Variants in CHST8 observed in about 807,000 individuals in gnomAD.
The protein encoded by CHST8 is carbohydrate sulfotransferase 8.
In CHST8, 10 loss-of-function variants were observed where a neutral mutation model predicts 15.0. That is an observed-to-expected ratio of 0.67 (90% CI 0.41 to 1.13). The LOEUF (loss-of-function observed/expected upper bound fraction) is 1.13, where lower values mean the gene tolerates loss of function less well. Ranked by LOEUF, CHST8 falls within the 50% of genes most tolerant of loss-of-function variation. CHST8 has a pLI of 0.00. For missense variants in CHST8, 634 were observed against 608.2 expected, an observed-to-expected ratio of 1.04 and a Z score of -0.45; for synonymous variants, 259 against 256.6, an observed-to-expected ratio of 1.01 and a Z score of -0.09.
intron 3 of CHST8, among the ~76,000 whole-genome samples, chr19:33,735,393 C>T (rs1336819835): frequency 1.3e-5 from 2 of 152,230 alleles, no homozygotes; most frequent in Non-Finnish European, 2.9e-5. Context: ...TGAATGGGAC[C>T]GGGAACAGTG....
intron 1 of CHST8, among the ~76,000 whole-genome samples, chr19:33,667,432 G>C (rs569132449): frequency 1.1e-4 from 17 of 152,116 alleles, no homozygotes; most frequent in Non-Finnish European, 2.2e-4. Context: ...CTCTATTTTG[G>C]TTCTTGCTTT....
At chr19:33,635,950 A>G (rs1568309711) in intron 1 of CHST8, among the ~76,000 whole-genome samples, 1 of 152,050 alleles carries the variant, frequency 6.6e-6, no homozygotes, top group African/African-American at 2.4e-5. Context: ...CACATTGTTT[A>G]TGCGATGTGG....
Position 33,773,423 on chromosome 19 carries a change from A to T in CHST8, c.*360A>T, listed in dbSNP as rs937541915. ...CTCCCTTAGCCATTGCCTTGGACCAAACCACGTGGTTTGCAGCTTTTCTAC... is the reference window on the plus strand; with the variant it reads ...CTCCCTTAGCCATTGCCTTGGACCATACCACGTGGTTTGCAGCTTTTCTAC... On this transcript the variant is annotated 3_prime_UTR_variant, in exon 5 of 5. Coordinates refer to ENST00000650847, the MANE Select transcript of CHST8 (RefSeq NM_001127895.2). 2.4e-5 allele frequency: 6 copies of T among 249,742 alleles called. No homozygotes were observed. The highest frequency in any genetic ancestry group is 4.6e-5 in the Non-Finnish European group (6 of 129,740). 15.5% of individuals were successfully genotyped at this position (249,742 alleles called of 1,614,324 possible). A position where few individuals can be genotyped will look rare whatever the true frequency, so the allele number is the denominator to read the frequency against.
At chr19:33,657,173 A>G (rs1972520168) in intron 1 of CHST8, among the ~76,000 whole-genome samples, 1 of 151,636 alleles carries the variant, frequency 6.6e-6, no homozygotes. Flanking sequence ...ACATATACTT[A>G]TACACACATA....
intron 3 of CHST8, among the ~76,000 whole-genome samples, chr19:33,740,333 C>T (rs284689): frequency 0.49 from 74,028 of 152,032 alleles, 18,318 homozygotes; most frequent in Non-Finnish European, 0.52. Context: ...TTTGCAGAAC[C>T]GTGTCATGGA....
chr19:33,706,751 A>T (rs183262387), intron 3 of CHST8, among the ~76,000 whole-genome samples: 14 of 152,346 alleles, frequency 9.2e-5, no homozygotes. Context: ...CCCAGAACCC[A>T]GCCAGAAGTA....
At chr19:33,708,257 T>C (rs917000175) in intron 3 of CHST8, among the ~76,000 whole-genome samples, 6 of 152,354 alleles carry the variant, frequency 3.9e-5, no homozygotes, top group Admixed American at 3.9e-4. Context: ...ATTCAACATG[T>C]TTTTCGTTGA....
chr19:33,764,867 A>C (rs1380026706), intron 3 of CHST8, among the ~76,000 whole-genome samples: 1 of 151,968 alleles, frequency 6.6e-6, no homozygotes, highest in Non-Finnish European at 1.5e-5. Context: ...CCGAGTTCCC[A>C]AAATCCACTG....
intron 1 of CHST8, among the ~76,000 whole-genome samples, chr19:33,637,238 T>C (rs1444950863): frequency 6.6e-6 from 1 of 152,148 alleles, no homozygotes; most frequent in South Asian, 2.1e-4. Flanking sequence ...GCTGACCTCC[T>C]ATCTCATCCT....
intron 3 of CHST8, among the ~76,000 whole-genome samples, chr19:33,758,662 G>T (rs192276051): frequency 8.1e-4 from 124 of 152,340 alleles, no homozygotes; most frequent in Non-Finnish European, 1.3e-3. Context: ...TGGTAATGAG[G>T]CTGCCGTCCT....
intron 3 of CHST8, among the ~76,000 whole-genome samples, chr19:33,753,421 C>A (rs1342333877): frequency 8.6e-6 from 1 of 116,350 alleles, no homozygotes; most frequent in Non-Finnish European, 1.8e-5. Flanking sequence ...CCACCTTCCT[C>A]CCACCACCCA....
intron 3 of CHST8, among the ~76,000 whole-genome samples, chr19:33,734,046 T>C (rs1974039772): frequency 6.6e-6 from 1 of 152,210 alleles, no homozygotes; most frequent in African/African-American, 2.4e-5. Flanking sequence ...TGGGCTGCAT[T>C]CCCAGATGGT....
chr19:33,640,752 G>A (rs1055405143), intron 1 of CHST8, among the ~76,000 whole-genome samples: 1 of 152,154 alleles, frequency 6.6e-6, no homozygotes, highest in Non-Finnish European at 1.5e-5. Flanking sequence ...GGCCCTTCCT[G>A]GGTGGTCTTG....
chr19:33,760,448 G>T (rs1051580041), intron 3 of CHST8, among the ~76,000 whole-genome samples: 2 of 151,648 alleles, frequency 1.3e-5, no homozygotes, highest in Non-Finnish European at 2.9e-5. Flanking sequence ...CTTCTGAGCA[G>T]CTGGGACTAC....
intron 1 of CHST8, among the ~76,000 whole-genome samples, chr19:33,646,422 T>C (rs1972357483): frequency 1.3e-5 from 2 of 152,320 alleles, no homozygotes; most frequent in Admixed American, 6.5e-5. Flanking sequence ...AGCTGGTCCA[T>C]GGGAAAGCAA....
intron 3 of CHST8, among the ~76,000 whole-genome samples, chr19:33,756,748 T>G (rs1974555134): frequency 2.0e-5 from 3 of 152,224 alleles, no homozygotes; most frequent in Admixed American, 1.3e-4. Flanking sequence ...GAATTTGTTT[T>G]CCCACTTCCT....
At chr19:33,762,655 A>G (rs1974758826) in intron 3 of CHST8, among the ~76,000 whole-genome samples, 1 of 152,264 alleles carries the variant, frequency 6.6e-6, no homozygotes, top group Non-Finnish European at 1.5e-5. Flanking sequence ...TCAGCATGCC[A>G]GGAGCAGCTG....
intron 3 of CHST8, among the ~76,000 whole-genome samples, chr19:33,730,183 C>T (rs1009236323): frequency 3.3e-5 from 5 of 152,298 alleles, no homozygotes; most frequent in East Asian, 1.9e-4. Flanking sequence ...ACTATATTCC[C>T]GTCGAGAACC....
chr19:33,772,353 C>T lies in CHST8; in HGVS notation c.565C>T (p.Arg189Cys), dbSNP rs147618925. The part of the protein sequence containing the change: ...RHVSRIFVED[R>C]HRVLYCEVPK... The stretch of plus-strand genomic sequence containing the variant: ...CGTGTCCCGTATCTTCGTGGAGGAC[C>T]GCCACCGCGTGCTCTACTGCGAGGT... Residue 189 changes from arginine (R) to cysteine (C), a missense_variant, in exon 5 of 5, where the codon CGC (arginine) becomes TGC (cysteine). Transcript: ENST00000650847. 423 of 1,606,892 alleles carry T rather than the reference C, an allele frequency of 2.6e-4. No individual in the cohort carries two copies. Among genetic ancestry groups the T allele is most frequent in the Non-Finnish European group, 3.4e-4 (400 of 1,179,140 alleles).
Sources: gnomAD v4.1 joint callset for allele counts (sites outside exome capture counted in the v4.1 genomes callset) on GRCh38, gnomAD v4.1.1 for gene constraint, MANE v1.5 for transcripts, NCBI Gene and HGNC (gene_info 2026-07-23, HGNC 2026-07-21) for gene names.